The following MCCC1 variants were observed in gnomAD, a reference collection of about 807,000 sequenced individuals.
The protein encoded by MCCC1 is methylcrotonoyl-CoA carboxylase subunit alpha, mitochondrial.
MCCC1 carries 64 observed loss-of-function variants against 83.8 expected under a neutral mutation model. The observed-to-expected ratio is 0.76, with a 90% confidence interval of 0.62 to 0.94. The LOEUF (loss-of-function observed/expected upper bound fraction) is 0.94. Among genes scored for constraint, MCCC1 ranks in the 40% least tolerant of loss-of-function variants. MCCC1 has a pLI of 0.00. For synonymous variants in MCCC1, 322 were observed against 315.4 expected (o/e 1.02, Z -0.22); for missense variants, 807 against 904.7 (o/e 0.89, Z 1.39).
At chr3:183,107,745 T>C (rs2108585126) in intron 1 of MCCC1, among the ~76,000 whole-genome samples, 1 of 152,108 alleles carries the variant, frequency 6.6e-6, no homozygotes, top group African/African-American at 2.4e-5. Flanking sequence ...AACGGAGGTT[T>C]CACCATGTTG....
chr3:183,099,172 G>GT (rs1252712197), intron 1 of MCCC1, 180 bp downstream of exon 1: 1 of 669,660 alleles, frequency 1.5e-6, no homozygotes, highest in East Asian at 2.7e-5. Context: ...GGAAGGGCTG[G>GT]TGGGGATGTC....
At position 183,099,437 on chromosome 3, in the gene MCCC1, C is replaced by A; in HGVS notation, c.4G>T (p.Ala2Ser). M[A>S]AASAVSVLLV... ...AGCACCGACACCGCAGAGGCCGCCGCCATGTCCCTGGAGCCCGGCCACTCC... is the reference window on the plus strand; with the variant it reads ...AGCACCGACACCGCAGAGGCCGCCGACATGTCCCTGGAGCCCGGCCACTCC... The change falls in exon 1 of 19, where the codon GCG (alanine) becomes TCG (serine). Residue 2 changes from alanine (A) to serine (S), a missense_variant. Ala to Ser is a moderately conservative substitution (Grantham distance 99, BLOSUM62 1). Coordinates refer to ENST00000265594, the MANE Select transcript of MCCC1 (RefSeq NM_020166.5). 6.2e-7 allele frequency: 1 copy of A among 1,604,928 alleles called. No homozygotes were observed. Among genetic ancestry groups the A allele is most frequent in the Non-Finnish European group, 8.5e-7 (1 of 1,176,728 alleles).
rs1215510998 is a variant in MCCC1 at position 183,054,184 on chromosome 3, G to GA, written c.874-1945dup. 5.1e-5 allele frequency among the ~76,000 whole-genome samples: 7 copies of GA among 138,270 alleles called. No homozygotes were observed. The East Asian group carries it at 1.2e-3, about 24-fold the overall frequency. 90.7% of individuals were successfully genotyped at this position (138,270 alleles called of 152,430 possible). A position where few individuals can be genotyped will look rare whatever the true frequency, so the allele number is the denominator to read the frequency against. ...GGTATGAGCCACCATACCCAGCCAAGAAAATTTTTTTTTTTTTTTTGAGAG... is the reference window on the plus strand; with the variant it reads ...GGTATGAGCCACCATACCCAGCCAAGAAAAATTTTTTTTTTTTTTTTGAGAG... On this transcript the variant is annotated intron_variant, in intron 8 of 18. Transcript: ENST00000265594.
Position 183,039,020 on chromosome 3 carries a change from A to T in MCCC1, c.1377+6T>A. The T allele has an allele frequency of 1.2e-6, 2 of 1,613,194 alleles. No individual in the cohort carries two copies. The highest frequency in any genetic ancestry group is 2.2e-5 in the South Asian group (2 of 91,062). On this transcript the variant is annotated splice_donor_region_variant and intron_variant, in intron 12 of 18. Transcript: ENST00000265594. Reference sequence around the variant, plus strand: ...AAGGTCACTGGCACGGTCTCAGATCACTCACATTGTACTGACGAAGGCTGT... The same window carrying T: ...AAGGTCACTGGCACGGTCTCAGATCTCTCACATTGTACTGACGAAGGCTGT...
intron 8 of MCCC1, among the ~76,000 whole-genome samples, chr3:183,054,520 G>T (rs1025964026): frequency 6.6e-6 from 1 of 152,132 alleles, no homozygotes. Flanking sequence ...TGCATAATGT[G>T]TTTGTGTTTT....
rs1717917373 is a variant in MCCC1, at chr3:183,086,725, T to C, written c.337A>G (p.Ile113Val). Reference sequence around the variant, plus strand: ...GCAGAGGTCTTGGCCACTTGAATGATTTTCTCCATAGATAGGTAGCTCTGC... The same window carrying C: ...GCAGAGGTCTTGGCCACTTGAATGACTTTCTCCATAGATAGGTAGCTCTGC... ...SQQSYLSMEK[I>V]IQVAKTSAAQ... The change falls in exon 4 of 19, where the codon ATC becomes GTC. Residue 113 changes from isoleucine (I) to valine (V), a missense_variant. Ile to Val is a conservative substitution (Grantham distance 29). Coordinates refer to ENST00000265594, the MANE Select transcript of MCCC1 (RefSeq NM_020166.5). The C allele has an allele frequency of 2.5e-6, 4 of 1,614,194 alleles. No individual in the cohort carries two copies. In the South Asian group the frequency reaches 4.4e-5, roughly 18 times the overall value.
chr3:183,057,427 A>G lies in MCCC1; in HGVS notation c.762-5T>C, dbSNP rs369355125. 25 of 1,590,846 alleles carry G rather than the reference A, an allele frequency of 1.6e-5. No individual in the cohort carries two copies. The African/African-American group carries it at 3.1e-4, about 20-fold the overall frequency. On this transcript the variant is annotated splice_region_variant and splice_polypyrimidine_tract_variant and intron_variant, in intron 7 of 18. Transcript: ENST00000265594. ...AACACCTGGACTTCTACATGCCTAT[A>G]TAAAAGCAAACATGTATGTTAATAT... is the stretch of plus-strand genomic sequence containing the variant.
At chr3:183,066,266 CAATT>C (rs1716250430) in intron 7 of MCCC1, among the ~76,000 whole-genome samples, 1 of 152,136 alleles carries the variant, frequency 6.6e-6, no homozygotes, top group Non-Finnish European at 1.5e-5. Context: ...CATCCACAGA[CAATT>C]GTCTTGTTTT....
intron 12 of MCCC1, 151 bp downstream of exon 12, chr3:183,038,875 G>A (rs1713834195): frequency 1.2e-5 from 9 of 731,524 alleles, no homozygotes; most frequent in Admixed American, 2.1e-5. Context: ...TCTGGCCCAC[G>A]CAAAATTCTC....
chr3:183,025,777 T>C lies in MCCC1; in HGVS notation c.1709A>G (p.His570Arg), dbSNP rs761480737. Residue 570 changes from histidine to arginine, a missense_variant, in exon 15 of 19, where the codon CAT becomes CGT. Physicochemically the swap from His to Arg is conservative, Grantham distance 29. Transcript: ENST00000265594. ...TACCTGCATGCTATAAGACCCATCA[T>C]GGTTATACGTTACAGCTATGGCTAC... Reference protein sequence around the residue: ...NNVAIAVTYNHDGSYSMQIED... With the variant: ...NNVAIAVTYNRDGSYSMQIED... 1.4e-5 allele frequency: 23 copies of C among 1,613,966 alleles called. No individual in the cohort carries two copies. In the South Asian group the frequency reaches 2.3e-4, roughly 16 times the overall value.
At chr3:183,094,816 C>A (rs1055039444) in intron 1 of MCCC1, among the ~76,000 whole-genome samples, 1 of 152,154 alleles carries the variant, frequency 6.6e-6, no homozygotes, top group African/African-American at 2.4e-5. Flanking sequence ...GAATGAGTCA[C>A]CTAGCCTGCT....
chr3:183,045,368 C>G (rs1281718103), intron 10 of MCCC1, 45 bp downstream of exon 10: 1 of 1,610,180 alleles, frequency 6.2e-7, no homozygotes, highest in African/African-American at 1.3e-5. Flanking sequence ...GCTTGAGCCA[C>G]CGCACCCAGC....
At chr3:183,057,189 C>A in intron 8 of MCCC1, 122 bp downstream of exon 8, 1 of 801,606 alleles carries the variant, frequency 1.2e-6, no homozygotes. Context: ...TGCTATTAGG[C>A]AACAGTTGTC....
intron 8 of MCCC1, among the ~76,000 whole-genome samples, chr3:183,054,032 C>T (rs1715212518): frequency 2.7e-5 from 4 of 149,366 alleles, no homozygotes; most frequent in Admixed American, 1.3e-4. Context: ...CAGGCGCCTG[C>T]CACCACATCC....
intron 4 of MCCC1, among the ~76,000 whole-genome samples, chr3:183,082,791 A>C (rs1717608812): frequency 6.6e-6 from 1 of 152,138 alleles, no homozygotes; most frequent in African/African-American, 2.4e-5. Context: ...CAGCCTGGGA[A>C]ACACAGTGAG....
intron 8 of MCCC1, among the ~76,000 whole-genome samples, chr3:183,055,248 GAAA>G (rs138574888): frequency 7.0e-6 from 1 of 142,556 alleles, no homozygotes; most frequent in African/African-American, 2.6e-5. Context: ...CTAAAAAATA[GAAA>G]AAAAAAAAAA....
intron 13 of MCCC1, among the ~76,000 whole-genome samples, chr3:183,035,642 C>T (rs187151841): frequency 2.0e-5 from 3 of 151,792 alleles, no homozygotes; most frequent in East Asian, 3.9e-4. Flanking sequence ...AAAAAGCTTC[C>T]GATTCTGGAG....
Position 183,015,232 on chromosome 3 carries a change from A to T in MCCC1, c.*206T>A, listed in dbSNP as rs542221213. 1.6e-6 allele frequency: 1 copy of T among 611,690 alleles called. No homozygotes were observed. The highest frequency in any genetic ancestry group is 2.0e-5 in the South Asian group (1 of 51,102). 37.9% of individuals were successfully genotyped at this position (611,690 alleles called of 1,614,324 possible). On this transcript the variant is annotated 3_prime_UTR_variant, in exon 19 of 19. Coordinates refer to ENST00000265594, the MANE Select transcript of MCCC1 (RefSeq NM_020166.5). Reference sequence around the variant, plus strand: ...AGAAACAAACATTGGCTTCCAATAAAAAATAATTCAACTTTATTAGTATGA... The same window carrying T: ...AGAAACAAACATTGGCTTCCAATAATAAATAATTCAACTTTATTAGTATGA...
At chr3:183,088,426 C>G (rs1718073636) in intron 3 of MCCC1, among the ~76,000 whole-genome samples, 1 of 152,082 alleles carries the variant, frequency 6.6e-6, no homozygotes, top group Admixed American at 6.5e-5. Context: ...AGGCTAATCT[C>G]AAACTCCTGA....
Sources: gnomAD v4.1 joint callset for allele counts (sites outside exome capture counted in the v4.1 genomes callset) on GRCh38, gnomAD v4.1.1 for gene constraint, MANE v1.5 for transcripts, NCBI Gene and HGNC (gene_info 2026-07-23, HGNC 2026-07-21) for gene names.